The following ME1 variants were observed in gnomAD, a reference collection of about 807,000 sequenced individuals.
ME1 encodes NADP-dependent malic enzyme.
In ME1, 74 loss-of-function variants were observed where a neutral mutation model predicts 66.4. The ratio of observed to expected loss-of-function variants is 1.11; its 90% CI spans 0.92 to 1.35. ME1 has a LOEUF of 1.35. Among genes scored for constraint, ME1 ranks in the 40% most tolerant of loss-of-function variants. The pLI is 0.00. For synonymous variants in ME1, 251 were observed against 235.6 expected (o/e 1.07, Z -0.60); for missense variants, 750 against 694.1 (o/e 1.08, Z -0.90).
intron 2 of ME1, among the ~76,000 whole-genome samples, chr6:83,398,918 A>T (rs1456409890): frequency 1.3e-5 from 2 of 152,154 alleles, no homozygotes; most frequent in East Asian, 3.9e-4. Flanking sequence ...CCTGGCCAAC[A>T]TGGTGAAACC....
At chr6:83,342,695 CT>C (rs929134861) in intron 5 of ME1, among the ~76,000 whole-genome samples, 26 of 151,088 alleles carry the variant, frequency 1.7e-4, no homozygotes, top group Admixed American at 1.6e-3. Context: ...TATTTCTTTT[CT>C]TTTTTTTTGA....
At chr6:83,405,680 T>TCAG (rs1583420569) in intron 2 of ME1, among the ~76,000 whole-genome samples, 1 of 151,572 alleles carries the variant, frequency 6.6e-6, no homozygotes, top group African/African-American at 2.4e-5. Context: ...ATATGTCCCA[T>TCAG]CAGTACCTAG....
intron 3 of ME1, among the ~76,000 whole-genome samples, chr6:83,374,423 C>G (rs944314224): frequency 4.6e-5 from 7 of 152,088 alleles, no homozygotes; most frequent in Non-Finnish European, 1.0e-4. Context: ...CTGTTCACGT[C>G]CTTTGCCCAC....
chr6:83,233,098 A>C (rs1790334745), intron 9 of ME1, among the ~76,000 whole-genome samples: 2 of 152,122 alleles, frequency 1.3e-5, no homozygotes, highest in Admixed American at 1.3e-4. Context: ...TTTAAGACAA[A>C]GATTAAACCT....
intron 6 of ME1, among the ~76,000 whole-genome samples, chr6:83,259,912 G>C (rs1766854114): frequency 6.6e-6 from 1 of 151,868 alleles, no homozygotes; most frequent in Admixed American, 6.6e-5. Flanking sequence ...ATCCCCTCAA[G>C]TTTCTTGTCT....
intron 6 of ME1, among the ~76,000 whole-genome samples, chr6:83,297,642 C>T (rs1398078912): frequency 2.6e-5 from 4 of 152,042 alleles, no homozygotes; most frequent in Middle Eastern, 3.2e-3. Context: ...AGGTTTGTTA[C>T]ATAGGTAAAC....
At chr6:83,387,245 T>C (rs1769525547) in intron 3 of ME1, among the ~76,000 whole-genome samples, 1 of 152,172 alleles carries the variant, frequency 6.6e-6, no homozygotes, top group Non-Finnish European at 1.5e-5. Flanking sequence ...AGAAAATTTA[T>C]AAAGCAAGAA....
chr6:83,310,386 C>T (rs1467803513), intron 6 of ME1, among the ~76,000 whole-genome samples: 1 of 152,170 alleles, frequency 6.6e-6, no homozygotes. Flanking sequence ...CTCCTTCTGC[C>T]CATTCCTGCT....
chr6:83,388,292 C>T (rs1405024187), intron 3 of ME1, among the ~76,000 whole-genome samples: 1 of 151,996 alleles, frequency 6.6e-6, no homozygotes, highest in African/African-American at 2.4e-5. Context: ...CACCATGTTG[C>T]CCAGGCTGGT....
intron 1 of ME1, among the ~76,000 whole-genome samples, chr6:83,429,666 T>C (rs1770444074): frequency 6.6e-6 from 1 of 152,148 alleles, no homozygotes; most frequent in Non-Finnish European, 1.5e-5. Flanking sequence ...CACACAGTCA[T>C]AGATTTGTAA....
chr6:83,229,102 TAACA>T (rs1225981069), intron 9 of ME1, 171 bp from the exon 10 acceptor site: 1 of 618,694 alleles, frequency 1.6e-6, no homozygotes, highest in African/African-American at 1.9e-5. Flanking sequence ...TTCATTCGTT[TAACA>T]AATATTTATA....
At chr6:83,295,307 C>G (rs529729816) in intron 6 of ME1, among the ~76,000 whole-genome samples, 1 of 152,262 alleles carries the variant, frequency 6.6e-6, no homozygotes, top group Admixed American at 6.5e-5. Context: ...CACTCAAACA[C>G]AGAGATGAGA....
Position 83,394,593 on chromosome 6 carries a change from C to T in ME1, c.362+3774G>A, listed in dbSNP as rs183391584. Among the ~76,000 whole-genome samples the T allele has an allele frequency of 3.8e-3, 571 of 152,230 alleles. 1 individual carries two copies. The highest frequency in any genetic ancestry group is 0.013 in the African/African-American group (548 of 41,552). On this transcript the variant is annotated intron_variant, in intron 3 of 13. Coordinates refer to ENST00000369705, the MANE Select transcript of ME1 (RefSeq NM_002395.6). Reference sequence around the variant, plus strand: ...AAATATTACCACTATATCAATACAGCTACATGGAAATCCACATTCAATATT... The same window carrying T: ...AAATATTACCACTATATCAATACAGTTACATGGAAATCCACATTCAATATT...
At chr6:83,425,732 T>C (rs1021429047) in intron 1 of ME1, among the ~76,000 whole-genome samples, 1 of 152,238 alleles carries the variant, frequency 6.6e-6, no homozygotes, top group East Asian at 1.9e-4. Flanking sequence ...TTTTTGCCGA[T>C]GTTCTTACTC....
At chr6:83,220,264 G>T (rs541184860) in intron 12 of ME1, among the ~76,000 whole-genome samples, 26 of 152,196 alleles carry the variant, frequency 1.7e-4, no homozygotes, top group African/African-American at 4.8e-5. Context: ...GCAGATATCA[G>T]AAAGGAGTGG....
intron 3 of ME1, among the ~76,000 whole-genome samples, chr6:83,375,359 T>C (rs915794659): frequency 1.9e-4 from 29 of 152,222 alleles, no homozygotes; most frequent in African/African-American, 5.8e-4. Flanking sequence ...GTAGCAATTG[T>C]GAATGGGAGT....
intron 1 of ME1, among the ~76,000 whole-genome samples, chr6:83,418,252 A>G (rs1017246497): frequency 1.3e-5 from 2 of 152,216 alleles, no homozygotes; most frequent in Non-Finnish European, 2.9e-5. Context: ...ATTGGCTCAC[A>G]TGATTATGGA....
intron 6 of ME1, among the ~76,000 whole-genome samples, chr6:83,293,460 TTC>T (rs1767540255): frequency 6.6e-6 from 1 of 152,208 alleles, no homozygotes; most frequent in Non-Finnish European, 1.5e-5. Context: ...TGTTTCTACT[TTC>T]TGTTTGTATG....
At chr6:83,289,525 T>A (rs901365642) in intron 6 of ME1, among the ~76,000 whole-genome samples, 2 of 152,190 alleles carry the variant, frequency 1.3e-5, no homozygotes, top group Non-Finnish European at 2.9e-5. Flanking sequence ...GGATAAGCTT[T>A]TTGATTTGCC....
Sources: allele counts gnomAD v4.1 joint callset (sites outside exome capture counted in the v4.1 genomes callset), GRCh38; gene constraint gnomAD v4.1.1; transcripts MANE v1.5; gene names NCBI Gene and HGNC (gene_info 2026-07-23, HGNC 2026-07-21).